The following ITGA9 variants were observed in gnomAD, a reference collection of about 807,000 sequenced individuals.
ITGA9 encodes the protein integrin subunit alpha 9, also known as integrin alpha-9.
ITGA9 carries 56 observed loss-of-function variants against 127.8 expected under a neutral mutation model. That is an observed-to-expected ratio of 0.44 (90% CI 0.35 to 0.55). The LOEUF (loss-of-function observed/expected upper bound fraction) is 0.55, where lower values mean the gene tolerates loss of function less well. Among genes scored for constraint, ITGA9 ranks in the 20% least tolerant of loss-of-function variants. ITGA9 has a pLI of 0.00. For synonymous variants in ITGA9, 508 were observed against 514.5 expected (o/e 0.99, Z 0.17); for missense variants, 1,196 against 1,347.1 (o/e 0.89, Z 1.76).
chr3:37,469,633 A>C (rs1366394084), intron 1 of ITGA9, among the ~76,000 whole-genome samples: 1 of 152,078 alleles, frequency 6.6e-6, no homozygotes, highest in Non-Finnish European at 1.5e-5. Flanking sequence ...CTAACACTAT[A>C]GTTAAATTTC....
intron 26 of ITGA9, among the ~76,000 whole-genome samples, chr3:37,801,452 T>C (rs1697234203): frequency 6.6e-6 from 1 of 152,134 alleles, no homozygotes; most frequent in South Asian, 2.1e-4. Context: ...TCTCTATGTA[T>C]ATTCGACTTC....
intron 17 of ITGA9, among the ~76,000 whole-genome samples, chr3:37,660,059 CT>C (rs1700518896): frequency 6.6e-6 from 1 of 152,018 alleles, no homozygotes; most frequent in Non-Finnish European, 1.5e-5. Context: ...ATTAGCATTA[CT>C]TTTACTTAGG....
chr3:37,789,568 G>C (rs1428442738), intron 26 of ITGA9, among the ~76,000 whole-genome samples: 1 of 150,076 alleles, frequency 6.7e-6, no homozygotes. Context: ...GACCATCCTG[G>C]CTAACGTGGT....
intron 14 of ITGA9, among the ~76,000 whole-genome samples, chr3:37,539,670 T>TA (rs1487170344): frequency 2.6e-5 from 4 of 152,256 alleles, no homozygotes; most frequent in South Asian, 2.1e-4. Context: ...TAATCTAATA[T>TA]AAAAAAATAC....
intron 21 of ITGA9, 43 bp from the exon 22 acceptor site, chr3:37,743,883 G>T: frequency 7.5e-7 from 1 of 1,339,452 alleles, no homozygotes; most frequent in South Asian, 1.2e-5. Flanking sequence ...ATGGGTGCTT[G>T]ACTGTGGGTG....
At position 37,572,056 on chromosome 3, in the gene ITGA9, G is replaced by A. The variant is rs529578462; in HGVS notation, c.1689+29471G>A. On this transcript the variant is annotated intron_variant, in intron 15 of 27. Transcript: ENST00000264741. Reference sequence around the variant, plus strand: ...TTGAGTTTTGTCTCAGGATTTCAGCGGAATCCAAACCATGTGACATGGACC... The same window carrying A: ...TTGAGTTTTGTCTCAGGATTTCAGCAGAATCCAAACCATGTGACATGGACC... 1.7e-3 allele frequency among the ~76,000 whole-genome samples: 255 copies of A among 151,896 alleles called. 3 individuals are homozygous for A. Among genetic ancestry groups the A allele is most frequent in the Non-Finnish European group, 2.2e-3 (151 of 67,986 alleles).
At chr3:37,680,371 TA>T (rs200738395) in intron 17 of ITGA9, among the ~76,000 whole-genome samples, 3 of 152,054 alleles carry the variant, frequency 2.0e-5, no homozygotes, top group Non-Finnish European at 4.4e-5. Flanking sequence ...GAGACTCCTC[TA>T]AAAAAAATCT....
intron 26 of ITGA9, among the ~76,000 whole-genome samples, chr3:37,797,314 C>G (rs190042118): frequency 1.3e-5 from 2 of 152,144 alleles, no homozygotes; most frequent in African/African-American, 2.4e-5. Context: ...AAGATTGTAC[C>G]ACTTCACTCC....
intron 15 of ITGA9, among the ~76,000 whole-genome samples, chr3:37,559,767 TC>T (rs1699467459): frequency 6.6e-6 from 1 of 152,192 alleles, no homozygotes. Context: ...GAAAGGCAGC[TC>T]CCTGGCTCCC....
intron 23 of ITGA9, among the ~76,000 whole-genome samples, chr3:37,765,723 TG>T (rs1419704582): frequency 6.6e-6 from 1 of 152,012 alleles, no homozygotes; most frequent in Non-Finnish European, 1.5e-5. Context: ...CTCTGGAAGG[TG>T]GGGGTAAGCT....
intron 15 of ITGA9, among the ~76,000 whole-genome samples, chr3:37,618,235 C>G (rs1251807309): frequency 1.3e-5 from 2 of 152,132 alleles, no homozygotes; most frequent in African/African-American, 2.4e-5. Context: ...CACTCCAGAC[C>G]CTGTTTGCCT....
intron 23 of ITGA9, among the ~76,000 whole-genome samples, chr3:37,776,968 C>A (rs1298542699): frequency 2.6e-5 from 4 of 152,174 alleles, no homozygotes; most frequent in African/African-American, 9.7e-5. Context: ...CAGGCTTGGT[C>A]CCAAGTTCCA....
At chr3:37,647,133 T>C (rs1476571587) in intron 16 of ITGA9, among the ~76,000 whole-genome samples, 2 of 152,086 alleles carry the variant, frequency 1.3e-5, no homozygotes, top group Admixed American at 6.6e-5. Context: ...TTTTTACCTA[T>C]TAAACAATTG....
At chr3:37,512,019 T>C (rs1450354673) in intron 8 of ITGA9, among the ~76,000 whole-genome samples, 397 of 22,378 alleles carry the variant, frequency 0.018, 42 homozygotes, top group East Asian at 0.061. Flanking sequence ...TTTTCTTTTC[T>C]TTTCTTTTCT....
chr3:37,722,317 G>A (rs1053927934), intron 18 of ITGA9, among the ~76,000 whole-genome samples: 2 of 152,210 alleles, frequency 1.3e-5, no homozygotes, highest in African/African-American at 4.8e-5. Flanking sequence ...TTGAGATATA[G>A]TTCAGATGCC....
rs1700755349 is a variant in ITGA9 at position 37,683,780 on chromosome 3, C to T, written c.1917-85C>T. On this transcript the variant is annotated intron_variant, in intron 17 of 27. Transcript: ENST00000264741. ...CTTGTAGTTCTGATCTCGGTTTCTG[C>T]CCCCCACCTTCAACTACCCCCTGTG... 8 of 1,393,624 alleles carry T rather than the reference C, an allele frequency of 5.7e-6. No homozygotes were observed. The Admixed American group carries it at 1.4e-4, about 25-fold the overall frequency. 86.3% of individuals were successfully genotyped at this position (1,393,624 alleles called of 1,614,324 possible). A position where few individuals can be genotyped will look rare whatever the true frequency, so the allele number is the denominator to read the frequency against.
intron 15 of ITGA9, among the ~76,000 whole-genome samples, chr3:37,621,912 A>G (rs760050350): frequency 1.7e-4 from 26 of 152,154 alleles, no homozygotes; most frequent in Non-Finnish European, 3.5e-4. Context: ...TCCTGCTCTC[A>G]TGACAGAATT....
chr3:37,496,735 AG>A (rs1424412051), intron 5 of ITGA9, among the ~76,000 whole-genome samples: 1 of 152,166 alleles, frequency 6.6e-6, no homozygotes, highest in East Asian at 1.9e-4. Flanking sequence ...ATACCTTTCC[AG>A]GCTCATCTCC....
intron 18 of ITGA9, among the ~76,000 whole-genome samples, chr3:37,700,573 C>A (rs550315426): frequency 1.0e-3 from 159 of 151,798 alleles, no homozygotes; most frequent in African/African-American, 3.6e-3. Flanking sequence ...TGGTCTTGAA[C>A]TCCTGAGCTC....
Sources: gnomAD v4.1 joint callset for allele counts (sites outside exome capture counted in the v4.1 genomes callset) on GRCh38, gnomAD v4.1.1 for gene constraint, MANE v1.5 for transcripts, NCBI Gene and HGNC (gene_info 2026-07-23, HGNC 2026-07-21) for gene names.